SPATA13: variants seen among roughly 807,000 people sequenced by gnomAD.
SPATA13 encodes the protein spermatogenesis-associated protein 13.
In SPATA13, 50 loss-of-function variants were observed where a neutral mutation model predicts 104.0. That is an observed-to-expected ratio of 0.48 (90% confidence interval 0.38 to 0.61). The LOEUF (loss-of-function observed/expected upper bound fraction) is 0.61, where lower values mean the gene tolerates loss of function less well. SPATA13 is among the 20% of genes least tolerant of loss of function. The pLI is 0.00. For synonymous variants in SPATA13, 606 were observed against 667.5 expected (o/e 0.91, Z 1.42); for missense variants, 1,524 against 1,690.6 (o/e 0.90, Z 1.73).
intron 4 of SPATA13, among the ~76,000 whole-genome samples, chr13:24,274,737 C>T (rs750062266): frequency 4.6e-5 from 7 of 152,218 alleles, no homozygotes; most frequent in Non-Finnish European, 1.0e-4. Context: ...GAGGTTTTCT[C>T]AAATACATGA....
intron 3 of SPATA13, among the ~76,000 whole-genome samples, chr13:24,037,503 G>A (rs1249321213): frequency 6.6e-6 from 1 of 151,986 alleles, no homozygotes; most frequent in Non-Finnish European, 1.5e-5. Context: ...TGTCTTCTGG[G>A]TTCAAGCGAT....
At chr13:23,995,244 T>G (rs1444521438) in intron 2 of SPATA13, among the ~76,000 whole-genome samples, 1 of 151,918 alleles carries the variant, frequency 6.6e-6, no homozygotes, top group East Asian at 1.9e-4. Flanking sequence ...GCTGATCTTC[T>G]GATTTTATCC....
At chr13:24,239,477 T>C (rs973852989) in intron 2 of SPATA13, among the ~76,000 whole-genome samples, 16 of 152,038 alleles carry the variant, frequency 1.1e-4, no homozygotes, top group Admixed American at 2.0e-4. Context: ...GGTGGATCCC[T>C]TGAACCCAGG....
intron 3 of SPATA13, among the ~76,000 whole-genome samples, chr13:24,057,827 A>T (rs1388033530): frequency 6.6e-6 from 1 of 151,608 alleles, no homozygotes; most frequent in Non-Finnish European, 1.5e-5. Flanking sequence ...TCCAGGGAGG[A>T]CTAGTGAGAG....
rs1487073013 is a variant in SPATA13, at chr13:24,249,484, C to T, written c.1661C>T (p.Pro554Leu). 1.4e-5 allele frequency: 22 copies of T among 1,561,082 alleles called. No homozygotes were observed. Among genetic ancestry groups the T allele is most frequent in the Admixed American group, 1.9e-5 (1 of 51,328 alleles). ...CCTGTTCGCATTTGAAAGGTCGTCC[C>T]TGATGGCCCCTGGAGGCGAAGCTCA... Reference protein sequence around the residue: ...PEEKEKEEVVPDGPWRRSSSQ... With the variant: ...PEEKEKEEVVLDGPWRRSSSQ... The change falls in exon 3 of 13, where the codon CCT (proline) becomes CTT (leucine). Residue 554 changes from proline (P) to leucine (L), a missense_variant. Transcript: ENST00000382108.
At position 24,136,704 on chromosome 13, in the gene SPATA13, C is replaced by G. The variant is rs554260116; in HGVS notation, c.-111-86115C>G. On this transcript the variant is annotated intron_variant, in intron 3 of 14. Coordinates refer to the SPATA13 transcript ENST00000424834. ...CCTATTGGGCTCTGAGAGATAGGCC[C>G]CAGCACAAGACTGGCACATAGTAGG... is the stretch of plus-strand genomic sequence containing the variant. 1.4e-3 allele frequency among the ~76,000 whole-genome samples: 214 copies of G among 152,134 alleles called. 2 individuals carry two copies. In the South Asian group the frequency reaches 0.027, roughly 19 times the overall value.
intron 1 of SPATA13, among the ~76,000 whole-genome samples, chr13:24,193,488 A>G (rs900612079): frequency 1.3e-5 from 2 of 152,194 alleles, no homozygotes; most frequent in Non-Finnish European, 2.9e-5. Flanking sequence ...AGTTGGTGCC[A>G]GGATAGCTTC....
intron 3 of SPATA13, among the ~76,000 whole-genome samples, chr13:24,093,570 A>G (rs777587026): frequency 6.6e-6 from 1 of 152,214 alleles, no homozygotes; most frequent in Non-Finnish European, 1.5e-5. Flanking sequence ...AAAATGCTCC[A>G]TTGAAATCTG....
chr13:24,275,321 T>A (rs1460708848), intron 4 of SPATA13, among the ~76,000 whole-genome samples: 1 of 152,150 alleles, frequency 6.6e-6, no homozygotes, highest in African/African-American at 2.4e-5. Flanking sequence ...GAGGGCAGTG[T>A]TTCTAGGAGT....
intron 3 of SPATA13, among the ~76,000 whole-genome samples, chr13:24,027,427 C>T (rs957923291): frequency 1.3e-5 from 2 of 152,148 alleles, no homozygotes; most frequent in Non-Finnish European, 2.9e-5. Context: ...GCCACCATGC[C>T]TGGCTGCCTT....
intron 1 of SPATA13, among the ~76,000 whole-genome samples, chr13:24,222,016 T>C (rs1871614100): frequency 6.6e-6 from 1 of 152,152 alleles, no homozygotes; most frequent in Non-Finnish European, 1.5e-5. Flanking sequence ...TTTCATGATA[T>C]TGGCCAGGCT....
intron 2 of SPATA13, among the ~76,000 whole-genome samples, chr13:24,242,092 A>C (rs1305452250): frequency 6.7e-6 from 1 of 150,144 alleles, no homozygotes; most frequent in Admixed American, 6.7e-5. Context: ...ATTCCACCTA[A>C]TTGTTGTAAA....
rs190964143 is a variant in SPATA13 at position 23,988,862 on chromosome 13, G to A, written c.-147+4929G>A. ...CCCCCTCTTCTTTATATTGGCTGTT[G>A]TTGAAAAATGTCCTTTTGTTTGGCA... is the stretch of plus-strand genomic sequence containing the variant. On this transcript the variant is annotated intron_variant, in intron 2 of 14. Coordinates refer to the SPATA13 transcript ENST00000424834. Among the ~76,000 whole-genome samples the A allele has an allele frequency of 3.9e-5, 6 of 152,224 alleles. No homozygotes were observed. The East Asian group carries it at 1.2e-3, about 29-fold the overall frequency.
At chr13:24,198,273 G>C (rs189323535) in intron 1 of SPATA13, among the ~76,000 whole-genome samples, 1 of 152,114 alleles carries the variant, frequency 6.6e-6, no homozygotes, top group Non-Finnish European at 1.5e-5. Flanking sequence ...GATTACAGGC[G>C]TGAGCCACCG....
chr13:24,213,936 G>A (rs535166493), intron 1 of SPATA13, among the ~76,000 whole-genome samples: 1 of 152,326 alleles, frequency 6.6e-6, no homozygotes, highest in South Asian at 2.1e-4. Flanking sequence ...GGAATCTGAA[G>A]GCATGTATGA....
At chr13:24,276,277 A>G (rs1874977440) in intron 4 of SPATA13, among the ~76,000 whole-genome samples, 1 of 152,214 alleles carries the variant, frequency 6.6e-6, no homozygotes, top group South Asian at 2.1e-4. Flanking sequence ...TTCCTTTTTT[A>G]AAAATCAATG....
rs1300293340 is a variant in SPATA13 at position 24,261,373 on chromosome 13, A to T, written c.2164+9511A>T. On this transcript the variant is annotated intron_variant, in intron 4 of 12. Coordinates refer to ENST00000382108, the MANE Select transcript of SPATA13 (RefSeq NM_001166271.3). The stretch of plus-strand genomic sequence containing the variant: ...AGCTTACTCCATTCCAGGCAGGTCA[A>T]GTCAGAGCGACCTATGGGCAGCTCG... Among the ~76,000 whole-genome samples the T allele has an allele frequency of 2.0e-5, 3 of 152,196 alleles. No individual in the cohort carries two copies. The East Asian group carries it at 5.8e-4, about 29-fold the overall frequency.
chr13:24,019,848 G>A (rs990614257), intron 3 of SPATA13, among the ~76,000 whole-genome samples: 1 of 152,164 alleles, frequency 6.6e-6, no homozygotes, highest in Non-Finnish European at 1.5e-5. Flanking sequence ...TCACATTAGC[G>A]TTCACAGGCA....
intron 3 of SPATA13, among the ~76,000 whole-genome samples, chr13:24,068,674 A>T (rs1458181972): frequency 1.3e-5 from 2 of 152,132 alleles, no homozygotes; most frequent in Non-Finnish European, 2.9e-5. Flanking sequence ...TTTGACTTGC[A>T]TTCTTATGCA....
Sources: gnomAD v4.1 joint callset for allele counts (sites outside exome capture counted in the v4.1 genomes callset) on GRCh38, gnomAD v4.1.1 for gene constraint, MANE v1.5 for transcripts, NCBI Gene and HGNC (gene_info 2026-07-23, HGNC 2026-07-21) for gene names.